Variants in ZCCHC7 observed in about 807,000 individuals in gnomAD.
ZCCHC7 encodes the protein zinc finger CCHC domain-containing protein 7.
A neutral mutation model predicts 52.0 loss-of-function variants in ZCCHC7; 35 were observed. That is an observed-to-expected ratio of 0.67 (90% CI 0.51 to 0.89). The LOEUF (loss-of-function observed/expected upper bound fraction) is 0.89, where lower values mean the gene tolerates loss of function less well. Ranked by LOEUF, ZCCHC7 falls within the 40% of genes least tolerant of loss-of-function variation. The pLI is 0.00. For synonymous variants in ZCCHC7, 217 were observed against 221.5 expected, an observed-to-expected ratio of 0.98 and a Z score of 0.18; for missense variants, 574 against 649.1, an observed-to-expected ratio of 0.88 and a Z score of 1.26.
intron 2 of ZCCHC7, among the ~76,000 whole-genome samples, chr9:37,201,091 A>T (rs1373649506): frequency 6.6e-6 from 1 of 152,202 alleles, no homozygotes; most frequent in Non-Finnish European, 1.5e-5. Context: ...GAATTCATTG[A>T]ATTTTTTAAA....
intron 2 of ZCCHC7, chr9:37,147,420 T>C (rs904087836): frequency 2.6e-5 from 4 of 151,966 alleles, no homozygotes; most frequent in Non-Finnish European, 5.9e-5. Context: ...TGAAAGTGTC[T>C]AATATTGGCT....
At chr9:37,127,400 A>G (rs1002982024) in intron 2 of ZCCHC7, among the ~76,000 whole-genome samples, 3 of 152,132 alleles carry the variant, frequency 2.0e-5, no homozygotes, top group African/African-American at 7.2e-5. Context: ...CACAGAATAT[A>G]TGGAATTAGT....
intron 7 of ZCCHC7, among the ~76,000 whole-genome samples, chr9:37,350,631 G>A (rs1300238900): frequency 2.0e-5 from 3 of 152,362 alleles, no homozygotes; most frequent in East Asian, 3.9e-4. Flanking sequence ...AGGCCAAACT[G>A]TGTGTGTTCT....
chr9:37,324,435 C>G (rs1348663222), intron 5 of ZCCHC7, among the ~76,000 whole-genome samples: 1 of 152,220 alleles, frequency 6.6e-6, no homozygotes, highest in Non-Finnish European at 1.5e-5. Flanking sequence ...TTCTGACACT[C>G]ACTTATGTCA....
intron 2 of ZCCHC7, among the ~76,000 whole-genome samples, chr9:37,130,364 T>TTC (rs1554698142): frequency 7.6e-6 from 1 of 131,736 alleles, no homozygotes; most frequent in African/African-American, 2.8e-5. Flanking sequence ...TTTTTTTTTT[T>TTC]ATAGCAGTGG....
upstream of ZCCHC7, chr9:37,120,470 G>A (rs575921293): frequency 1.0e-4 from 41 of 398,226 alleles, no homozygotes; most frequent in African/African-American, 3.3e-4. Context: ...GGGCGGGGAC[G>A]GAAAGGCGGT....
intron 2 of ZCCHC7, among the ~76,000 whole-genome samples, chr9:37,157,672 C>CT (rs1820889090): frequency 6.6e-6 from 1 of 152,126 alleles, no homozygotes; most frequent in South Asian, 2.1e-4. Flanking sequence ...ATACAAATAA[C>CT]TAACAGATAT....
At chr9:37,219,585 A>G (rs1018123823) in intron 2 of ZCCHC7, among the ~76,000 whole-genome samples, 5 of 152,210 alleles carry the variant, frequency 3.3e-5, no homozygotes, top group Admixed American at 1.3e-4. Flanking sequence ...TCTTTTAAGA[A>G]TTATTTTGTG....
At chr9:37,287,374 AC>A (rs2133605109) in intron 2 of ZCCHC7, among the ~76,000 whole-genome samples, 1 of 152,260 alleles carries the variant, frequency 6.6e-6, no homozygotes, top group Non-Finnish European at 1.5e-5. Context: ...TTTCCTTTTA[AC>A]ATAAAGTTGT....
chr9:37,192,611 T>C (rs999408205), intron 2 of ZCCHC7, among the ~76,000 whole-genome samples: 4 of 152,238 alleles, frequency 2.6e-5, no homozygotes, highest in African/African-American at 7.2e-5. Flanking sequence ...TGAAGAGTTA[T>C]TCTTTTTGCT....
intron 2 of ZCCHC7, among the ~76,000 whole-genome samples, chr9:37,194,515 G>T (rs1823184980): frequency 1.3e-5 from 2 of 152,172 alleles, no homozygotes. Context: ...GAGTGTGTGG[G>T]GTTAAGACAG....
intron 2 of ZCCHC7, among the ~76,000 whole-genome samples, chr9:37,141,157 C>G (rs1035697733): frequency 2.6e-5 from 4 of 151,902 alleles, no homozygotes; most frequent in African/African-American, 9.7e-5. Context: ...GCCGTTTGCT[C>G]TAATTTAAAT....
chr9:37,273,498 G>A lies in ZCCHC7; in HGVS notation c.611-28690G>A, dbSNP rs541439544. ...AGCCTGGGCAACAGAGCGAGACTCC[G>A]TCTCGAAAAGAAAAGAAAAAGAAAG... On this transcript the variant is annotated intron_variant, in intron 2 of 8. Transcript: ENST00000336755. Among the ~76,000 whole-genome samples the A allele has an allele frequency of 1.6e-3, 248 of 152,196 alleles. 1 individual carries two copies. Among genetic ancestry groups the A allele is most frequent in the African/African-American group, 5.7e-3 (237 of 41,512 alleles).
At chr9:37,235,146 A>G (rs926106618) in intron 2 of ZCCHC7, among the ~76,000 whole-genome samples, 7 of 152,176 alleles carry the variant, frequency 4.6e-5, no homozygotes, top group Non-Finnish European at 5.9e-5. Context: ...AAAATATACA[A>G]TGTAGTATTA....
At chr9:37,303,863 A>G (rs1435403994) in intron 3 of ZCCHC7, among the ~76,000 whole-genome samples, 11 of 151,824 alleles carry the variant, frequency 7.2e-5, no homozygotes, top group Non-Finnish European at 1.5e-4. Context: ...GGGTTTCTCC[A>G]TGTTGGTCAG....
At chr9:37,298,978 T>C (rs1828912942) in intron 2 of ZCCHC7, among the ~76,000 whole-genome samples, 1 of 152,250 alleles carries the variant, frequency 6.6e-6, no homozygotes, top group Admixed American at 6.5e-5. Context: ...AGCACCTTGC[T>C]CATTTAATCT....
chr9:37,269,220 A>G (rs1340332224), intron 2 of ZCCHC7, among the ~76,000 whole-genome samples: 2 of 152,204 alleles, frequency 1.3e-5, no homozygotes, highest in Admixed American at 6.5e-5. Context: ...ATTGTAGGCC[A>G]TGTTAAGGTT....
intron 2 of ZCCHC7, among the ~76,000 whole-genome samples, chr9:37,178,914 A>C (rs558911344): frequency 6.6e-6 from 1 of 152,172 alleles, no homozygotes; most frequent in Non-Finnish European, 1.5e-5. Flanking sequence ...ATGATGACTG[A>C]TATTTTATTT....
chr9:37,276,717 C>G (rs1425024089), intron 2 of ZCCHC7, among the ~76,000 whole-genome samples: 2 of 151,924 alleles, frequency 1.3e-5, no homozygotes, highest in African/African-American at 4.8e-5. Context: ...TAGAAGATTG[C>G]CTAAAATAGT....
Sources: allele counts gnomAD v4.1 joint callset (sites outside exome capture counted in the v4.1 genomes callset), GRCh38; gene constraint gnomAD v4.1.1; transcripts MANE v1.5; gene names NCBI Gene and HGNC (gene_info 2026-07-23, HGNC 2026-07-21).